SLC36A1: variants seen among roughly 807,000 people sequenced by gnomAD.
SLC36A1 encodes solute carrier family 36 member 1, also known as proton-coupled amino acid transporter 1.
In SLC36A1, 30 loss-of-function variants were observed where a neutral mutation model predicts 47.5. The ratio of observed to expected loss-of-function variants is 0.63; its 90% CI spans 0.47 to 0.86. The LOEUF is 0.86. Among genes scored for constraint, SLC36A1 ranks in the 40% least tolerant of loss-of-function variants. The pLI is 0.00. For missense variants in SLC36A1, 517 were observed against 606.0 expected (o/e 0.85, Z 1.54); for synonymous variants, 255 against 249.7 (o/e 1.02, Z -0.20).
At chr5:151,505,738 C>T in the SLC36A1 span, 21 of 1,613,760 alleles carry the variant, frequency 1.3e-5, no homozygotes, top group East Asian at 6.7e-5. Flanking sequence ...TTGTAGCCCC[C>T]GTCTGCCAGG....
At chr5:151,458,691 A>G (rs1755058015) in intron 1 of SLC36A1, 97 bp from the exon 2 acceptor site, 3 of 1,343,868 alleles carry the variant, frequency 2.2e-6, no homozygotes, top group African/African-American at 1.5e-5. Flanking sequence ...ACAGTGAGCA[A>G]CTCTGACAAT....
chr5:151,361,188 A>G, the SLC36A1 span, among the ~76,000 whole-genome samples: 79,818 of 152,048 alleles, frequency 0.52, 24,031 homozygotes, highest in African/African-American at 0.84. Context: ...CTTCCATAGC[A>G]CTGACAATAC....
the SLC36A1 span, chr5:151,505,754 C>T: frequency 1.1e-5 from 17 of 1,613,054 alleles, no homozygotes; most frequent in South Asian, 7.7e-5. Context: ...CCAGGCAGGG[C>T]CCTCCCCCTC....
intron 1 of SLC36A1, among the ~76,000 whole-genome samples, chr5:151,440,725 G>A (rs1752576788): frequency 1.3e-5 from 2 of 152,128 alleles, no homozygotes; most frequent in Non-Finnish European, 2.9e-5. Context: ...AATCCAGGGA[G>A]GGAGGCAGAA....
At chr5:151,536,219 CA>C in the SLC36A1 span, among the ~76,000 whole-genome samples, 1 of 102,774 alleles carries the variant, frequency 9.7e-6, no homozygotes, top group Non-Finnish European at 2.0e-5. Flanking sequence ...TTTCCATATT[CA>C]GAAAAAAAAA....
At chr5:151,487,042 G>C (rs982001457) in intron 10 of SLC36A1, among the ~76,000 whole-genome samples, 5 of 152,250 alleles carry the variant, frequency 3.3e-5, no homozygotes, top group East Asian at 3.9e-4. Flanking sequence ...GGAATAGAAA[G>C]GTACCATACC....
At chr5:151,400,346 T>G in the SLC36A1 span, among the ~76,000 whole-genome samples, 14 of 152,238 alleles carry the variant, frequency 9.2e-5, no homozygotes, top group Admixed American at 8.5e-4. Flanking sequence ...TTTCATTCTT[T>G]TTATGGCCGC....
chr5:151,480,911 G>C (rs547589272), intron 10 of SLC36A1, among the ~76,000 whole-genome samples: 1 of 152,196 alleles, frequency 6.6e-6, no homozygotes, highest in Non-Finnish European at 1.5e-5. Context: ...GGAAAAAGTA[G>C]GTCTCTGTAG....
At chr5:151,422,557 C>T in the SLC36A1 span, among the ~76,000 whole-genome samples, 67,177 of 151,760 alleles carry the variant, frequency 0.44, 15,253 homozygotes, top group East Asian at 0.56. Flanking sequence ...AAAGACCCTG[C>T]CTCTTAAAAA....
chr5:151,503,636 A>C, the SLC36A1 span, among the ~76,000 whole-genome samples: 12 of 152,028 alleles, frequency 7.9e-5, no homozygotes, highest in Non-Finnish European at 1.8e-4. Context: ...TGCGCTGTGG[A>C]GTAGCAGCCA....
chr5:151,363,188 C>T, the SLC36A1 span, among the ~76,000 whole-genome samples: 3 of 152,162 alleles, frequency 2.0e-5, no homozygotes, highest in African/African-American at 4.8e-5. Context: ...GCTGCCTGTC[C>T]CAGATGGAAG....
upstream of SLC36A1, among the ~76,000 whole-genome samples, chr5:151,444,256 T>C (rs1208413433): frequency 2.0e-5 from 3 of 152,186 alleles, no homozygotes; most frequent in African/African-American, 4.8e-5. Context: ...TTGCTTTGGA[T>C]AGTATGGACA....
In SLC36A1 at chr5:151,491,276, G is replaced by A. The variant is rs2127555425; in HGVS notation, c.*3022G>A. 6.5e-6 allele frequency: 1 copy of A among 152,700 alleles called. No homozygotes were observed. The highest frequency in any genetic ancestry group is 1.9e-4 in the East Asian group (1 of 5,170). 9.5% of individuals were successfully genotyped at this position (152,700 alleles called of 1,614,324 possible). The stretch of plus-strand genomic sequence containing the variant: ...ATTCACAAGTGGCATTATTTATGTT[G>A]TGCTGCTGTCCAGCTGCTAAGATCC... On this transcript the variant is annotated 3_prime_UTR_variant, in exon 11 of 11. Coordinates refer to ENST00000243389, the MANE Select transcript of SLC36A1 (RefSeq NM_078483.4).
the SLC36A1 span, chr5:151,542,529 C>T: frequency 6.2e-7 from 1 of 1,614,184 alleles, no homozygotes; most frequent in African/African-American, 1.3e-5. Flanking sequence ...TCTGGCAGGT[C>T]TCACAGTCAA....
intron 10 of SLC36A1, among the ~76,000 whole-genome samples, chr5:151,487,034 A>T (rs1328971486): frequency 6.6e-6 from 1 of 152,180 alleles, no homozygotes. Flanking sequence ...AAAACTGGGG[A>T]ATAGAAAGGT....
At chr5:151,422,996 C>T in the SLC36A1 span, among the ~76,000 whole-genome samples, 1 of 152,160 alleles carries the variant, frequency 6.6e-6, no homozygotes. Context: ...GAACAGACAC[C>T]TCACCAAAGA....
chr5:151,466,372 T>G (rs1000862251), intron 5 of SLC36A1, among the ~76,000 whole-genome samples: 4 of 152,222 alleles, frequency 2.6e-5, no homozygotes, highest in Admixed American at 1.3e-4. Context: ...TTCTTAAAGT[T>G]TTTTGCACAG....
At chr5:151,352,655 G>A in the SLC36A1 span, among the ~76,000 whole-genome samples, 39 of 152,258 alleles carry the variant, frequency 2.6e-4, no homozygotes, top group Middle Eastern at 3.4e-3. Flanking sequence ...TGTTGTTGTT[G>A]TTCTTCTTCC....
chr5:151,544,693 G>A, the SLC36A1 span: 1 of 1,614,180 alleles, frequency 6.2e-7, no homozygotes, highest in Non-Finnish European at 8.5e-7. Context: ...TCCATCCCGA[G>A]CAATGACTTT....
Sources: allele counts gnomAD v4.1 joint callset (sites outside exome capture counted in the v4.1 genomes callset), GRCh38; gene constraint gnomAD v4.1.1; transcripts MANE v1.5; gene names NCBI Gene and HGNC (gene_info 2026-07-23, HGNC 2026-07-21).